The following TUSC3 variants were observed in gnomAD, a reference collection of about 807,000 sequenced individuals.
TUSC3 encodes dolichyl-diphosphooligosaccharide--protein glycosyltransferase subunit TUSC3.
TUSC3 carries 45 observed loss-of-function variants against 44.8 expected under a neutral mutation model. The observed-to-expected ratio is 1.00, with a 90% CI of 0.79 to 1.29. TUSC3 has a LOEUF of 1.29. Ranked by LOEUF, TUSC3 falls within the 50% of genes most tolerant of loss-of-function variation. TUSC3 has a pLI of 0.00. For missense variants in TUSC3, 519 were observed against 437.9 expected (o/e 1.19, Z -1.65); for synonymous variants, 212 against 152.9 (o/e 1.39, Z -2.85).
At chr8:15,484,462 C>A (rs1357116050) in intron 2 of TUSC3, among the ~76,000 whole-genome samples, 1 of 152,178 alleles carries the variant, frequency 6.6e-6, no homozygotes, top group East Asian at 1.9e-4. Context: ...TGTGCCAGCA[C>A]AGTGTAGGAC....
intron 9 of TUSC3, among the ~76,000 whole-genome samples, chr8:15,750,674 A>T (rs559363258): frequency 6.6e-6 from 1 of 152,220 alleles, no homozygotes; most frequent in African/African-American, 2.4e-5. Flanking sequence ...CTCACCATAG[A>T]TATAAATAGT....
intron 1 of TUSC3, among the ~76,000 whole-genome samples, chr8:15,480,922 A>T (rs1214695803): frequency 1.3e-5 from 2 of 152,136 alleles, no homozygotes; most frequent in Non-Finnish European, 2.9e-5. Context: ...AATAGCATGG[A>T]TTGGAAACTT....
chr8:15,674,368 T>G (rs1177925800), intron 6 of TUSC3, among the ~76,000 whole-genome samples: 1 of 152,052 alleles, frequency 6.6e-6, no homozygotes, highest in East Asian at 1.9e-4. Flanking sequence ...GTTTGTTGCC[T>G]TCTCTTTACG....
the TUSC3 span, among the ~76,000 whole-genome samples, chr8:15,796,906 C>T: frequency 6.6e-6 from 1 of 152,086 alleles, no homozygotes; most frequent in Non-Finnish European, 1.5e-5. Flanking sequence ...AGTCACAAGG[C>T]CTCAGTAGGT....
At chr8:15,646,785 CTGT>C (rs1806652016) in intron 2 of TUSC3, among the ~76,000 whole-genome samples, 1 of 152,036 alleles carries the variant, frequency 6.6e-6, no homozygotes, top group Non-Finnish European at 1.5e-5. Flanking sequence ...TTTTTTTCTT[CTGT>C]TGTTTTTAAA....
At position 15,423,969 on chromosome 8, in the gene TUSC3, G is replaced by GTTTTTGTTTTGTTTTTTTT. The variant is rs1563247134; in HGVS notation, n.91+6669_91+6670insGTTTTGTTTTTTTTTTTTT. ...TACAGCATTCATACTGTTTTGCTTT[G>GTTTTTGTTTTGTTTTTTTT]TTTTTTTTTTTTTTTTTTTTTTTTT... On this transcript the variant is annotated intron_variant and non_coding_transcript_variant, in intron 1 of 5. Transcript: ENST00000503191. 5.7e-4 allele frequency among the ~76,000 whole-genome samples: 40 copies of GTTTTTGTTTTGTTTTTTTT among 70,394 alleles called. 16 individuals are homozygous for GTTTTTGTTTTGTTTTTTTT. The highest frequency in any genetic ancestry group is 8.4e-4 in the Non-Finnish European group (27 of 31,962). 46.2% of individuals were successfully genotyped at this position (70,394 alleles called of 152,430 possible).
chr8:15,609,764 A>T (rs144400955), intron 1 of TUSC3, among the ~76,000 whole-genome samples: 1 of 152,018 alleles, frequency 6.6e-6, no homozygotes, highest in East Asian at 1.9e-4. Context: ...AAAAAAAAAC[A>T]TGTTTTCACT....
chr8:15,605,079 G>T (rs987381567), intron 1 of TUSC3, among the ~76,000 whole-genome samples: 1 of 151,832 alleles, frequency 6.6e-6, no homozygotes, highest in Non-Finnish European at 1.5e-5. Context: ...ATGTAGTAGT[G>T]ACTGTGGAAG....
chr8:15,686,705 AG>A, intron 6 of TUSC3, among the ~76,000 whole-genome samples: 1 of 152,190 alleles, frequency 6.6e-6, no homozygotes, highest in Non-Finnish European at 1.5e-5. Context: ...AAGGGCATTC[AG>A]TAGCTTTATT....
intron 1 of TUSC3, among the ~76,000 whole-genome samples, chr8:15,454,067 C>T (rs1800225714): frequency 6.6e-6 from 1 of 152,136 alleles, no homozygotes; most frequent in Non-Finnish European, 1.5e-5. Flanking sequence ...CCAGTAAATG[C>T]ACTATGCATG....
chr8:15,503,894 A>G (rs1346216769), intron 2 of TUSC3, among the ~76,000 whole-genome samples: 1 of 151,880 alleles, frequency 6.6e-6, no homozygotes, highest in Non-Finnish European at 1.5e-5. Flanking sequence ...GCACACCTGT[A>G]ATCCTAGCTA....
chr8:15,722,152 T>A (rs1810326452), intron 6 of TUSC3, among the ~76,000 whole-genome samples: 1 of 152,000 alleles, frequency 6.6e-6, no homozygotes, highest in African/African-American at 2.4e-5. Flanking sequence ...CAGTCTATGT[T>A]TTTGTTGGCT....
intron 1 of TUSC3, chr8:15,483,356 T>C (rs1240945220): frequency 1.3e-5 from 3 of 230,828 alleles, no homozygotes; most frequent in Non-Finnish European, 2.6e-5. Context: ...TTTTGTTTTT[T>C]TGAGACGGAG....
chr8:15,429,557 G>T (rs1197886240), intron 1 of TUSC3, among the ~76,000 whole-genome samples: 6 of 131,006 alleles, frequency 4.6e-5, no homozygotes, highest in African/African-American at 1.9e-4. Flanking sequence ...AAATTACCTT[G>T]TGCAGTATGG....
the TUSC3 span, chr8:15,806,325 C>T: frequency 2.8e-6 from 2 of 716,018 alleles, no homozygotes; most frequent in Admixed American, 1.8e-5. Flanking sequence ...GACACCTTCC[C>T]CCTGCTTCTT....
chr8:15,508,230 A>G (rs1801084030), intron 2 of TUSC3, among the ~76,000 whole-genome samples: 1 of 151,930 alleles, frequency 6.6e-6, no homozygotes, highest in African/African-American at 2.4e-5. Flanking sequence ...ATAGGGTGGG[A>G]CTCTGTCTAA....
chr8:15,770,818 C>G (rs1393740398), downstream of TUSC3, among the ~76,000 whole-genome samples: 1 of 151,800 alleles, frequency 6.6e-6, no homozygotes, highest in Non-Finnish European at 1.5e-5. Context: ...AATACGAGTC[C>G]CAGAAGAGAG....
At chr8:15,465,730 A>C (rs910506783) in intron 1 of TUSC3, among the ~76,000 whole-genome samples, 2 of 152,178 alleles carry the variant, frequency 1.3e-5, no homozygotes, top group Non-Finnish European at 2.9e-5. Flanking sequence ...TTTTGGAATT[A>C]AACATCAAAC....
chr8:15,676,641 A>G (rs1808202433), intron 6 of TUSC3, among the ~76,000 whole-genome samples: 1 of 152,088 alleles, frequency 6.6e-6, no homozygotes, highest in African/African-American at 2.4e-5. Context: ...GATTGTCTCA[A>G]CTTTCAGGGC....
Sources: allele counts gnomAD v4.1 joint callset (sites outside exome capture counted in the v4.1 genomes callset), GRCh38; gene constraint gnomAD v4.1.1; transcripts MANE v1.5; gene names NCBI Gene and HGNC (gene_info 2026-07-23, HGNC 2026-07-21).